The following PFKFB1 variants were observed in gnomAD, a reference collection of about 807,000 sequenced individuals.
PFKFB1 encodes the protein 6-phosphofructo-2-kinase/fructose-2,6-biphosphatase 1.
A neutral mutation model predicts 46.4 loss-of-function variants in PFKFB1; 34 were observed. The ratio of observed to expected loss-of-function variants is 0.73; its 90% CI spans 0.56 to 0.98. The LOEUF (loss-of-function observed/expected upper bound fraction) is 0.98, where lower values mean the gene tolerates loss of function less well. Ranked by LOEUF, PFKFB1 falls within the 50% of genes least tolerant of loss-of-function variation. The pLI, the probability that PFKFB1 is intolerant of heterozygous loss-of-function variation, is 0.00. For synonymous variants in PFKFB1, 119 were observed against 133.8 expected, an observed-to-expected ratio of 0.89 and a Z score of 0.76; for missense variants, 393 against 376.3, an observed-to-expected ratio of 1.04 and a Z score of -0.37.
intron 1 of PFKFB1, among the ~76,000 whole-genome samples, chrX:54,969,435 T>C (rs1442124339): frequency 1.8e-5 from 2 of 111,768 alleles, no homozygotes; most frequent in Non-Finnish European, 3.8e-5. Context: ...TGTGGCCACG[T>C]GATCTTGGAC....
rs199950660 is a variant in PFKFB1 at position 54,933,141 on chromosome X, C to CA, written c.*261dup. On this transcript the variant is annotated 3_prime_UTR_variant, in exon 14 of 14. Coordinates refer to ENST00000375006, the MANE Select transcript of PFKFB1 (RefSeq NM_002625.4). ...TTGAGAACAACTGGAAAAGCCTCGC[C>CA]ATGACCTCCTCCTCTCCTCTTGTAG... 572 of 377,114 alleles carry CA rather than the reference C, an allele frequency of 1.5e-3. 4 individuals are homozygous for CA. The East Asian group carries it at 0.025, about 17-fold the overall frequency. The allele number at this position is 377,114 out of a possible 1,213,427, so 31.1% of individuals were successfully genotyped here. A position where few individuals can be genotyped will look rare whatever the true frequency, so the allele number is the denominator to read the frequency against.
intron 1 of PFKFB1, among the ~76,000 whole-genome samples, chrX:54,975,947 G>GGATC (rs1934827751): frequency 9.0e-6 from 1 of 111,198 alleles, no homozygotes. Flanking sequence ...AATTCAAAGT[G>GGATC]GATCATAGGT....
intron 10 of PFKFB1, among the ~76,000 whole-genome samples, chrX:54,939,930 G>A (rs773893165): frequency 8.1e-5 from 9 of 111,369 alleles, no homozygotes; most frequent in African/African-American, 2.9e-4. Flanking sequence ...GCCAGGCAGA[G>A]ACACAAAAAA....
At chrX:54,957,105 TTTC>T (rs376334946) in intron 6 of PFKFB1, among the ~76,000 whole-genome samples, 3 of 111,853 alleles carry the variant, frequency 2.7e-5, no homozygotes, top group African/African-American at 9.7e-5. Context: ...CCCCAAATTA[TTTC>T]TTCATCCTTA....
At position 54,954,091 on chromosome X, in the gene PFKFB1, A is replaced by T. The variant is rs1023999185; in HGVS notation, c.639-1979T>A. Among the ~76,000 whole-genome samples the T allele has an allele frequency of 2.0e-3, 219 of 112,048 alleles. 1 individual carries two copies. The highest frequency in any genetic ancestry group is 6.4e-3 in the African/African-American group (199 of 31,074). ...ATTTTATTTAAAAATTTTTTAAAAA[A>T]TTTTTAAATTTTTATTTAAAATAAA... On this transcript the variant is annotated intron_variant, in intron 7 of 13. Transcript: ENST00000375006.
At chrX:54,971,321 T>C (rs1303374502) in intron 1 of PFKFB1, among the ~76,000 whole-genome samples, 1 of 92,561 alleles carries the variant, frequency 1.1e-5, no homozygotes, top group Admixed American at 1.2e-4. Context: ...TCTTTTGCTG[T>C]GCAGAAGCTC....
chrX:54,958,088 C>A (rs1330288237), intron 6 of PFKFB1, among the ~76,000 whole-genome samples: 2 of 111,632 alleles, frequency 1.8e-5, no homozygotes, highest in Non-Finnish European at 3.8e-5. Flanking sequence ...ATATCTGGAG[C>A]ATACAAAGGG....
chrX:54,957,754 A>G (rs1934194969), intron 6 of PFKFB1, among the ~76,000 whole-genome samples: 1 of 111,351 alleles, frequency 9.0e-6, no homozygotes, highest in Admixed American at 9.6e-5. Flanking sequence ...GGGTAGAAGA[A>G]AATTACCCTT....
chrX:54,980,260 C>G (rs900167284), intron 1 of PFKFB1, among the ~76,000 whole-genome samples: 1 of 111,220 alleles, frequency 9.0e-6, no homozygotes, highest in Admixed American at 9.6e-5. Flanking sequence ...TAATTTATTA[C>G]ACAGTAGTTG....
In PFKFB1 at chrX:54,958,884, C is replaced by T. The variant is rs1393136839; in HGVS notation, c.426G>A (p.Leu142=). 8.3e-7 allele frequency: 1 copy of T among 1,199,423 alleles called. No homozygotes were observed. Among genetic ancestry groups the T allele is most frequent in the Non-Finnish European group, 1.1e-6 (1 of 885,062 alleles). The change falls in exon 5 of 14, where the codon CTG becomes CTA. Residue 142 remains leucine, a synonymous_variant. Coordinates refer to ENST00000375006, the MANE Select transcript of PFKFB1 (RefSeq NM_002625.4). Reference sequence around the variant, plus strand: ...CATGTTCTTTTGCAAACTGCAGGATCAGTGACCGTCGTTCTCTGGTAGTGT... The same window carrying T: ...CATGTTCTTTTGCAAACTGCAGGATTAGTGACCGTCGTTCTCTGGTAGTGT... ...ATNTTRERRS[L]ILQFAKEHGY... is the part of the protein sequence containing the mutation.
chrX:54,970,564 C>T (rs1934626836), intron 1 of PFKFB1, among the ~76,000 whole-genome samples: 1 of 68,355 alleles, frequency 1.5e-5, no homozygotes, highest in East Asian at 5.9e-4. Flanking sequence ...TCAATTTGCA[C>T]CTATGAGTGA....
Position 54,953,156 on chromosome X carries a change from G to A in PFKFB1, c.639-1044C>T, listed in dbSNP as rs113871351. ...TCCTTTAGTTGTTGGCCTGTACAGA[G>A]TTCAGAGAAATCCCTGGGAAGAGGA... is the stretch of plus-strand genomic sequence containing the variant. On this transcript the variant is annotated intron_variant, in intron 7 of 13. Transcript: ENST00000375006. Among the ~76,000 whole-genome samples the A allele has an allele frequency of 6.5e-3, 727 of 112,017 alleles. 6 individuals carry two copies. The highest frequency in any genetic ancestry group is 0.022 in the African/African-American group (667 of 30,812).
intron 1 of PFKFB1, among the ~76,000 whole-genome samples, chrX:54,984,138 C>T (rs984130588): frequency 1.1e-4 from 12 of 112,033 alleles, no homozygotes; most frequent in African/African-American, 3.9e-4. Flanking sequence ...AACATCAGGA[C>T]TAATGTAAGG....
In PFKFB1 at chrX:54,933,102, T is replaced by G; in HGVS notation, c.*301A>C. 3.4e-6 allele frequency: 1 copy of G among 295,624 alleles called. No individual in the cohort carries two copies. Among genetic ancestry groups the G allele is most frequent in the East Asian group, 6.3e-5 (1 of 15,986 alleles). 24.4% of individuals were successfully genotyped at this position (295,624 alleles called of 1,213,427 possible). On this transcript the variant is annotated 3_prime_UTR_variant, in exon 14 of 14. Transcript: ENST00000375006. ...TCACAGCAGCAGAGCTGGGTCAGGA[T>G]TAGGGTCAGTACCTTGAGAACAACT...
intron 1 of PFKFB1, among the ~76,000 whole-genome samples, chrX:54,974,081 A>C (rs764144954): frequency 9.0e-6 from 1 of 111,377 alleles, no homozygotes; most frequent in South Asian, 3.7e-4. Context: ...ACCAATAAAA[A>C]CCCTATCAGG....
At chrX:54,955,520 T>C (rs543944577) in intron 7 of PFKFB1, among the ~76,000 whole-genome samples, 11 of 111,076 alleles carry the variant, frequency 9.9e-5, no homozygotes, top group Non-Finnish European at 1.5e-4. Context: ...CAAAGCACTA[T>C]AGAAGCTACC....
At chrX:54,998,286 C>T (rs1408317453), upstream of PFKFB1, 34 of 546,606 alleles carry the variant, frequency 6.2e-5, no homozygotes, top group Middle Eastern at 3.2e-4. Flanking sequence ...CCCCCACTTT[C>T]CCATGCCCTT....
At chrX:54,951,079 A>C (rs1467708960) in intron 8 of PFKFB1, among the ~76,000 whole-genome samples, 2 of 113,221 alleles carry the variant, frequency 1.8e-5, no homozygotes, top group Non-Finnish European at 3.7e-5. Flanking sequence ...TATGACAACA[A>C]CTGTCCTTCC....
intron 1 of PFKFB1, among the ~76,000 whole-genome samples, chrX:54,981,965 A>T (rs992845783): frequency 8.9e-6 from 1 of 111,787 alleles, no homozygotes; most frequent in Admixed American, 9.5e-5. Flanking sequence ...ACTGGATGCC[A>T]GAAGCTATTT....
Sources: gnomAD v4.1 joint callset for allele counts (sites outside exome capture counted in the v4.1 genomes callset) on GRCh38, gnomAD v4.1.1 for gene constraint, MANE v1.5 for transcripts, NCBI Gene and HGNC (gene_info 2026-07-23, HGNC 2026-07-21) for gene names.